GOLGA4: variants seen among roughly 807,000 people sequenced by gnomAD.
The protein encoded by GOLGA4 is golgin A4.
In GOLGA4, 169 loss-of-function variants were observed where a neutral mutation model predicts 265.9. That is an observed-to-expected ratio of 0.64 (90% CI 0.56 to 0.72). The LOEUF (loss-of-function observed/expected upper bound fraction) is 0.72. GOLGA4 is among the 30% of genes least tolerant of loss of function. GOLGA4 has a pLI of 0.00. For missense variants in GOLGA4, 2,482 were observed against 2,483.4 expected (o/e 1.00, Z 0.01); for synonymous variants, 923 against 855.8 (o/e 1.08, Z -1.37).
intron 19 of GOLGA4, among the ~76,000 whole-genome samples, chr3:37,339,001 A>G (rs1197500756): frequency 6.6e-6 from 1 of 151,516 alleles, no homozygotes; most frequent in African/African-American, 2.4e-5. Flanking sequence ...AGCTGGGACT[A>G]CAGGTGCCTG....
chr3:37,272,561 A>T lies in GOLGA4; in HGVS notation c.163-9397A>T, dbSNP rs2096801605. 4.6e-5 allele frequency among the ~76,000 whole-genome samples: 7 copies of T among 152,328 alleles called. 1 individual carries two copies. The South Asian group carries it at 6.2e-4, about 14-fold the overall frequency. ...CAGAAAAAAAGGATTAAAAAATTTT[A>T]GCCACAATATTATTTATCACACCTA... On this transcript the variant is annotated intron_variant, in intron 2 of 23. Coordinates refer to ENST00000361924, the MANE Select transcript of GOLGA4 (RefSeq NM_002078.5).
chr3:37,306,182 G>A (rs2096905560), intron 10 of GOLGA4, among the ~76,000 whole-genome samples: 1 of 152,140 alleles, frequency 6.6e-6, no homozygotes, highest in Non-Finnish European at 1.5e-5. Flanking sequence ...TAGTAGAAAT[G>A]TTAGGCATAG....
intron 22 of GOLGA4, among the ~76,000 whole-genome samples, chr3:37,359,344 A>G (rs1007529787): frequency 1.3e-5 from 2 of 152,186 alleles, no homozygotes; most frequent in African/African-American, 2.4e-5. Context: ...ATTATTTAAG[A>G]TAATTTCATT....
intron 2 of GOLGA4, among the ~76,000 whole-genome samples, chr3:37,280,506 A>G (rs896811079): frequency 1.3e-5 from 2 of 152,194 alleles, no homozygotes; most frequent in African/African-American, 2.4e-5. Flanking sequence ...CACTATCTAT[A>G]TGCAGATACT....
Position 37,326,452 on chromosome 3 carries a change from T to C in GOLGA4, c.4566T>C (p.Ser1522=), listed in dbSNP as rs374575859. 12 of 1,611,122 alleles carry C rather than the reference T, an allele frequency of 7.4e-6. No homozygotes were observed. Among genetic ancestry groups the C allele is most frequent in the Non-Finnish European group, 1.0e-5 (12 of 1,178,542 alleles). ...KESNLETELK[S]QTARIMELED... ...CTAATTTAGAAACAGAGTTAAAGTC[T>C]CAAACAGCAAGAATTATGGAATTAG... Residue 1522 remains serine, a synonymous_variant, in exon 14 of 24, where the codon TCT becomes TCC. Transcript: ENST00000361924.
rs755816807 is a variant in GOLGA4, at chr3:37,325,006, CAAT to C, written c.3121_3123del (p.Asn1041del). 6 of 1,612,842 alleles carry C rather than the reference CAAT, an allele frequency of 3.7e-6. No homozygotes were observed. The highest frequency in any genetic ancestry group is 1.7e-5 in the Admixed American group (1 of 59,832). On this transcript the variant is annotated inframe_deletion, in exon 14 of 24. Transcript: ENST00000361924. ...TTACTGAGGTTCATCGACGAGAACT[CAAT>C]GATGTCATATCAATCTGGGAAAAGA... is the stretch of plus-strand genomic sequence containing the variant.
At chr3:37,260,911 A>G (rs2096767997) in intron 2 of GOLGA4, among the ~76,000 whole-genome samples, 2 of 152,012 alleles carry the variant, frequency 1.3e-5, no homozygotes, top group Non-Finnish European at 2.9e-5. Context: ...TCACACCTGT[A>G]ATCCCGGCAA....
chr3:37,349,931 A>ACATAC (rs2097068609), intron 21 of GOLGA4, among the ~76,000 whole-genome samples: 1 of 152,164 alleles, frequency 6.6e-6, no homozygotes, highest in Non-Finnish European at 1.5e-5. Flanking sequence ...ACGTTCTTGT[A>ACATAC]GTATGGAGTT....
chr3:37,251,915 C>T (rs753992418), intron 2 of GOLGA4, among the ~76,000 whole-genome samples: 1 of 152,110 alleles, frequency 6.6e-6, no homozygotes, highest in Non-Finnish European at 1.5e-5. Context: ...CTCCTGGGCT[C>T]AAGTGATTCT....
At chr3:37,250,407 A>G (rs1246435906) in intron 1 of GOLGA4, 1 of 152,198 alleles carries the variant, frequency 6.6e-6, no homozygotes, top group Non-Finnish European at 1.5e-5. Flanking sequence ...AAATATGTAT[A>G]TGTCTGTCTG....
At chr3:37,333,493 C>T (rs527946149) in intron 16 of GOLGA4, among the ~76,000 whole-genome samples, 74 of 152,070 alleles carry the variant, frequency 4.9e-4, no homozygotes, top group African/African-American at 1.8e-3. Flanking sequence ...ATTGGGGGGG[C>T]TTGCTTTAGA....
At chr3:37,315,649 T>C in intron 11 of GOLGA4, 51 bp downstream of exon 11, 1 of 1,445,738 alleles carries the variant, frequency 6.9e-7, no homozygotes, top group Non-Finnish European at 9.7e-7. Flanking sequence ...GAAATTTAAG[T>C]GTATTTTTCC....
At chr3:37,276,044 G>C (rs2096817141) in intron 2 of GOLGA4, 1 of 1,612,680 alleles carries the variant, frequency 6.2e-7, no homozygotes. Flanking sequence ...CAACAGAAAG[G>C]ATGAGACAAA....
chr3:37,355,425 C>T (rs747375197), intron 22 of GOLGA4, among the ~76,000 whole-genome samples: 1 of 152,038 alleles, frequency 6.6e-6, no homozygotes, highest in Non-Finnish European at 1.5e-5. Flanking sequence ...GCTTGACACC[C>T]GTATGTATGC....
At chr3:37,351,534 T>C in intron 21 of GOLGA4, among the ~76,000 whole-genome samples, 1 of 152,150 alleles carries the variant, frequency 6.6e-6, no homozygotes. Context: ...ATGAGAGGAA[T>C]CATTACCTAT....
At chr3:37,277,065 T>A (rs2096821356) in intron 2 of GOLGA4, among the ~76,000 whole-genome samples, 1 of 152,164 alleles carries the variant, frequency 6.6e-6, no homozygotes, top group Non-Finnish European at 1.5e-5. Context: ...TGGTGTGTAT[T>A]CAAATAATAC....
intron 2 of GOLGA4, among the ~76,000 whole-genome samples, chr3:37,254,548 C>T (rs1356961629): frequency 2.0e-5 from 3 of 149,568 alleles, no homozygotes; most frequent in Admixed American, 2.0e-4. Context: ...GTTTTAAAGT[C>T]GCCAGGCTGG....
At position 37,319,202 on chromosome 3, in the gene GOLGA4, A is replaced by T; in HGVS notation, c.1545+8A>T. 1.9e-6 allele frequency: 3 copies of T among 1,592,708 alleles called. No homozygotes were observed. Among genetic ancestry groups the T allele is most frequent in the Non-Finnish European group, 2.6e-6 (3 of 1,171,966 alleles). On this transcript the variant is annotated splice_region_variant and intron_variant, in intron 12 of 23. Transcript: ENST00000361924. The stretch of plus-strand genomic sequence containing the variant: ...CAAATGAAAGTAGCTCTTGTAAGTG[A>T]CTATTTTTTTTTTTCTGCTATAGGT...
At chr3:37,246,020 A>G (rs1201809568) in intron 1 of GOLGA4, among the ~76,000 whole-genome samples, 2 of 151,350 alleles carry the variant, frequency 1.3e-5, no homozygotes. Flanking sequence ...AATCGCTTGA[A>G]CTCAGTAGTT....
Sources: gnomAD v4.1 joint callset for allele counts (sites outside exome capture counted in the v4.1 genomes callset) on GRCh38, gnomAD v4.1.1 for gene constraint, MANE v1.5 for transcripts, NCBI Gene and HGNC (gene_info 2026-07-23, HGNC 2026-07-21) for gene names.